FEZ2: variants seen among roughly 807,000 people sequenced by gnomAD.
FEZ2 encodes fasciculation and elongation protein zeta 2.
FEZ2 carries 51 observed loss-of-function variants against 40.4 expected under a neutral mutation model. That is an observed-to-expected ratio of 1.26 (90% confidence interval 1.01 to 1.59). FEZ2 has a LOEUF of 1.59. Among genes scored for constraint, FEZ2 ranks in the 40% most tolerant of loss-of-function variants. The pLI, the probability that FEZ2 is intolerant of heterozygous loss-of-function variation, is 0.00. For synonymous variants in FEZ2, 242 were observed against 172.0 expected, an observed-to-expected ratio of 1.41 and a Z score of -3.18; for missense variants, 640 against 438.3, an observed-to-expected ratio of 1.46 and a Z score of -4.11.
At chr2:36,580,004 G>A (rs1668685907) in intron 4 of FEZ2, among the ~76,000 whole-genome samples, 2 of 152,112 alleles carry the variant, frequency 1.3e-5, no homozygotes, top group South Asian at 4.1e-4. Context: ...AAGACCACGT[G>A]AAGACATAGG....
At chr2:36,563,769 G>A (rs1668157033) in intron 5 of FEZ2, among the ~76,000 whole-genome samples, 1 of 152,116 alleles carries the variant, frequency 6.6e-6, no homozygotes, top group African/African-American at 2.4e-5. Context: ...TGATCTGGAA[G>A]ACCACGGCCA....
chr2:36,559,443 C>T (rs373526866), intron 5 of FEZ2, among the ~76,000 whole-genome samples: 133 of 152,334 alleles, frequency 8.7e-4, no homozygotes, highest in African/African-American at 3.1e-3. Flanking sequence ...GGCTAATCCT[C>T]ACTGAGTGAT....
At chr2:36,555,513 G>C (rs10178965) in intron 7 of FEZ2, 170 bp downstream of exon 7, 2 of 426,120 alleles carry the variant, frequency 4.7e-6, no homozygotes, top group East Asian at 7.2e-5. Context: ...ATAAAACCAT[G>C]ATATATAATG....
chr2:36,563,429 G>C (rs1213104393), intron 5 of FEZ2, among the ~76,000 whole-genome samples: 1 of 151,844 alleles, frequency 6.6e-6, no homozygotes, highest in Non-Finnish European at 1.5e-5. Flanking sequence ...CAATGAACCA[G>C]GGAAGCAATG....
chr2:36,583,764 T>C (rs1668826211), intron 2 of FEZ2, among the ~76,000 whole-genome samples: 1 of 152,046 alleles, frequency 6.6e-6, no homozygotes, highest in Non-Finnish European at 1.5e-5. Context: ...GGAATTACAG[T>C]GAATAGAAGG....
chr2:36,581,156 A>G, intron 4 of FEZ2, 134 bp downstream of exon 4: 10 of 909,794 alleles, frequency 1.1e-5, no homozygotes, highest in Middle Eastern at 2.3e-4. Flanking sequence ...CTCAACAACA[A>G]CAACAAAAAT....
rs72795258 is a variant in FEZ2 at position 36,566,958 on chromosome 2, T to A, written c.904-8445A>T. On this transcript the variant is annotated intron_variant, in intron 5 of 7. Coordinates refer to ENST00000405912, the MANE Select transcript of FEZ2 (RefSeq NM_005102.3). Reference sequence around the variant, plus strand: ...CACATACGCATAGACACACACACACTCTCTCTCTCTCTCTATAGGACTAAA... The same window carrying A: ...CACATACGCATAGACACACACACACACTCTCTCTCTCTCTATAGGACTAAA... Among the ~76,000 whole-genome samples, 38 of 115,242 alleles carry A rather than the reference T, an allele frequency of 3.3e-4. No homozygotes were observed. The East Asian group carries it at 4.2e-3, about 13-fold the overall frequency. 75.6% of individuals were successfully genotyped at this position (115,242 alleles called of 152,430 possible).
At chr2:36,582,965 G>A (rs1668796071) in intron 3 of FEZ2, among the ~76,000 whole-genome samples, 1 of 152,200 alleles carries the variant, frequency 6.6e-6, no homozygotes, top group African/African-American at 2.4e-5. Flanking sequence ...TTTAATACAT[G>A]CTAATGCTTT....
At chr2:36,595,992 A>C (rs1669211320) in intron 1 of FEZ2, among the ~76,000 whole-genome samples, 1 of 152,052 alleles carries the variant, frequency 6.6e-6, no homozygotes, top group Non-Finnish European at 1.5e-5. Context: ...CAAATACATA[A>C]TACATCTACA....
Position 36,571,264 on chromosome 2 carries a change from T to C in FEZ2, c.903+7333A>G, listed in dbSNP as rs1230975259. On this transcript the variant is annotated intron_variant, in intron 5 of 7. Coordinates refer to ENST00000405912, the MANE Select transcript of FEZ2 (RefSeq NM_005102.3). ...CTACAATGACCTTCTATCATGCTAA[T>C]AGTAATTCTTAGTAAATGCTTTGCA... 5.3e-5 allele frequency among the ~76,000 whole-genome samples: 8 copies of C among 152,360 alleles called. No individual in the cohort carries two copies. The East Asian group carries it at 1.3e-3, about 26-fold the overall frequency.
At chr2:36,565,010 G>A (rs765498542) in intron 5 of FEZ2, among the ~76,000 whole-genome samples, 1 of 152,184 alleles carries the variant, frequency 6.6e-6, no homozygotes, top group Non-Finnish European at 1.5e-5. Flanking sequence ...GCTAGAAGCA[G>A]GTACTGCTGA....
At chr2:36,580,960 T>A (rs1668722129) in intron 4 of FEZ2, among the ~76,000 whole-genome samples, 3 of 152,144 alleles carry the variant, frequency 2.0e-5, no homozygotes. Flanking sequence ...GAGACCAGCC[T>A]GGCCAACATG....
intron 1 of FEZ2, among the ~76,000 whole-genome samples, chr2:36,595,938 G>A (rs756438099): frequency 8.5e-5 from 13 of 152,096 alleles, no homozygotes; most frequent in Non-Finnish European, 1.6e-4. Context: ...AACGATCTAC[G>A]TACAATCCTC....
At chr2:36,568,444 T>TC (rs750746841) in intron 5 of FEZ2, among the ~76,000 whole-genome samples, 1 of 152,174 alleles carries the variant, frequency 6.6e-6, no homozygotes, top group African/African-American at 2.4e-5. Flanking sequence ...AACCCAATCC[T>TC]CCCTCCATTT....
At chr2:36,591,311 A>G (rs1669066516) in intron 1 of FEZ2, 3 of 314,626 alleles carry the variant, frequency 9.5e-6, no homozygotes, top group South Asian at 4.6e-5. Flanking sequence ...AGCAATTTAC[A>G]TGTATTAACT....
intron 2 of FEZ2, among the ~76,000 whole-genome samples, chr2:36,589,025 AT>A (rs1668991924): frequency 6.6e-6 from 1 of 152,292 alleles, no homozygotes; most frequent in East Asian, 1.9e-4. Flanking sequence ...CATAGAAAAT[AT>A]TTTTTTAAAA....
intron 3 of FEZ2, among the ~76,000 whole-genome samples, chr2:36,581,810 C>G (rs1444221887): frequency 6.6e-6 from 1 of 151,990 alleles, no homozygotes; most frequent in Non-Finnish European, 1.5e-5. Context: ...GAAAATTTAC[C>G]ATAGACATAC....
chr2:36,566,663 C>G (rs776649708), intron 5 of FEZ2, among the ~76,000 whole-genome samples: 1 of 152,148 alleles, frequency 6.6e-6, no homozygotes, highest in Non-Finnish European at 1.5e-5. Flanking sequence ...AATCATAGCT[C>G]AGGCAAAAGT....
At chr2:36,597,558 AG>A (rs1669262651) in intron 1 of FEZ2, among the ~76,000 whole-genome samples, 2 of 7,482 alleles carry the variant, frequency 2.7e-4, no homozygotes, top group African/African-American at 2.3e-3. Flanking sequence ...GTGCCCCAGG[AG>A]GTGCCCCAGG....
Sources: allele counts gnomAD v4.1 joint callset (sites outside exome capture counted in the v4.1 genomes callset), GRCh38; gene constraint gnomAD v4.1.1; transcripts MANE v1.5; gene names NCBI Gene and HGNC (gene_info 2026-07-23, HGNC 2026-07-21).